SHISA6: variants seen among roughly 807,000 people sequenced by gnomAD.
SHISA6 encodes protein shisa-6.
Under a neutral mutation model 47.9 loss-of-function variants are expected in SHISA6, and 22 were observed. The observed-to-expected ratio is 0.46, with a 90% CI of 0.33 to 0.66. The LOEUF (loss-of-function observed/expected upper bound fraction) is 0.66. Ranked by LOEUF, SHISA6 falls within the 30% of genes least tolerant of loss-of-function variation. SHISA6 has a pLI of 0.02. For synonymous variants in SHISA6, 388 were observed against 337.8 expected, an observed-to-expected ratio of 1.15 and a Z score of -1.63; for missense variants, 680 against 764.6, an observed-to-expected ratio of 0.89 and a Z score of 1.30.
intron 3 of SHISA6, among the ~76,000 whole-genome samples, chr17:11,388,632 G>A (rs1913269486): frequency 6.6e-6 from 1 of 151,286 alleles, no homozygotes; most frequent in South Asian, 2.1e-4. Flanking sequence ...TTACCCTTAG[G>A]AAAATCTGCG....
chr17:11,547,462 C>A (rs2071892896), intron 3 of SHISA6, among the ~76,000 whole-genome samples: 1 of 152,150 alleles, frequency 6.6e-6, no homozygotes, highest in South Asian at 2.1e-4. Context: ...TACTAAATAA[C>A]TCTTGGGTCA....
chr17:11,515,099 G>A (rs2071571768), intron 3 of SHISA6, among the ~76,000 whole-genome samples: 1 of 152,028 alleles, frequency 6.6e-6, no homozygotes, highest in South Asian at 2.1e-4. Flanking sequence ...TCTTCAGGAG[G>A]ACCCAGGATT....
At chr17:11,323,751 C>G (rs756627954) in intron 2 of SHISA6, among the ~76,000 whole-genome samples, 57 of 151,866 alleles carry the variant, frequency 3.8e-4, no homozygotes, top group Non-Finnish European at 1.5e-4. Context: ...CTTTGCTCTC[C>G]CAGTCCAGGT....
chr17:11,350,059 CT>C (rs896268864), intron 2 of SHISA6, among the ~76,000 whole-genome samples: 29 of 150,338 alleles, frequency 1.9e-4, no homozygotes, highest in African/African-American at 4.1e-4. Context: ...TTCTCCCCAC[CT>C]TTTTTTTTGT....
intron 3 of SHISA6, among the ~76,000 whole-genome samples, chr17:11,397,717 C>A (rs575854731): frequency 6.6e-6 from 1 of 150,772 alleles, no homozygotes; most frequent in Non-Finnish European, 1.5e-5. Flanking sequence ...AAATTCTTCT[C>A]ATCTTATAAG....
At chr17:11,335,714 A>G (rs191854453) in intron 2 of SHISA6, among the ~76,000 whole-genome samples, 1 of 152,292 alleles carries the variant, frequency 6.6e-6, no homozygotes, top group Non-Finnish European at 1.5e-5. Context: ...GTTCCAGCGA[A>G]CATGGAGGAA....
chr17:11,494,255 T>C (rs2071390276), intron 3 of SHISA6, among the ~76,000 whole-genome samples: 1 of 152,106 alleles, frequency 6.6e-6, no homozygotes, highest in Non-Finnish European at 1.5e-5. Context: ...TTCATTAGCA[T>C]CCCCTGCCTT....
At chr17:11,539,781 C>T (rs1034385581) in intron 3 of SHISA6, among the ~76,000 whole-genome samples, 10 of 152,264 alleles carry the variant, frequency 6.6e-5, no homozygotes, top group African/African-American at 1.9e-4. Context: ...GAGTCCTGAG[C>T]GCTAATTGTT....
intron 3 of SHISA6, among the ~76,000 whole-genome samples, chr17:11,472,880 G>T (rs1045391302): frequency 2.6e-5 from 4 of 152,120 alleles, no homozygotes; most frequent in African/African-American, 9.7e-5. Context: ...CATTATCATT[G>T]TCTTGATTTG....
chr17:11,543,235 G>T (rs190279663), intron 3 of SHISA6, among the ~76,000 whole-genome samples: 21 of 152,188 alleles, frequency 1.4e-4, no homozygotes, highest in Non-Finnish European at 2.2e-4. Context: ...ATACTGCATT[G>T]TTGAGTGTAA....
chr17:11,308,107 A>C (rs1239399261), intron 2 of SHISA6, among the ~76,000 whole-genome samples: 1 of 152,126 alleles, frequency 6.6e-6, no homozygotes, highest in Non-Finnish European at 1.5e-5. Context: ...TCTATCATGG[A>C]AGGGCAGGGT....
chr17:11,413,800 G>A (rs905220246), intron 3 of SHISA6, among the ~76,000 whole-genome samples: 3 of 152,102 alleles, frequency 2.0e-5, no homozygotes, highest in Non-Finnish European at 4.4e-5. Flanking sequence ...GCCTCCTTCT[G>A]TTGGCCAAAG....
chr17:11,320,460 C>T (rs933792752), intron 2 of SHISA6, among the ~76,000 whole-genome samples: 2 of 151,992 alleles, frequency 1.3e-5, no homozygotes, highest in Non-Finnish European at 2.9e-5. Flanking sequence ...GAGTTCAAGA[C>T]CAGCCTGGCT....
intron 3 of SHISA6, among the ~76,000 whole-genome samples, chr17:11,494,130 C>CA (rs1567620727): frequency 6.6e-6 from 1 of 152,122 alleles, no homozygotes; most frequent in Non-Finnish European, 1.5e-5. Context: ...TCCATATGCT[C>CA]AGCAGGACTC....
chr17:11,550,011 T>C (rs917148816), intron 3 of SHISA6, among the ~76,000 whole-genome samples: 2 of 152,122 alleles, frequency 1.3e-5, no homozygotes, highest in African/African-American at 4.8e-5. Flanking sequence ...TGTGAGAAAT[T>C]GTGGCCTACT....
chr17:11,328,900 C>CG lies in SHISA6; in HGVS notation c.800-50513dup, dbSNP rs1335399249. Among the ~76,000 whole-genome samples the CG allele has an allele frequency of 2.0e-5, 3 of 152,050 alleles. No homozygotes were observed. In the East Asian group the frequency reaches 5.8e-4, roughly 29 times the overall value. On this transcript the variant is annotated intron_variant, in intron 2 of 5. Coordinates refer to ENST00000441885, the MANE Select transcript of SHISA6 (RefSeq NM_207386.4). ...ATGAAGGGAGGGAGTGTGCTGTGGG[C>CG]GCATCTGCTGTGAGGCAGAGGGTGC...
chr17:11,351,835 C>G (rs1243061897), intron 2 of SHISA6, among the ~76,000 whole-genome samples: 2 of 152,150 alleles, frequency 1.3e-5, no homozygotes, highest in African/African-American at 4.8e-5. Context: ...GGTTACAGAA[C>G]AAAGCCATAC....
chr17:11,275,298 G>A (rs1908848788), intron 2 of SHISA6, among the ~76,000 whole-genome samples: 1 of 152,036 alleles, frequency 6.6e-6, no homozygotes, highest in Non-Finnish European at 1.5e-5. Flanking sequence ...CCCTCCAAAG[G>A]GGCTTGGAGA....
At chr17:11,330,472 T>A (rs1296582112) in intron 2 of SHISA6, among the ~76,000 whole-genome samples, 1 of 133,366 alleles carries the variant, frequency 7.5e-6, no homozygotes, top group Non-Finnish European at 1.6e-5. Flanking sequence ...TTTCTAAAAT[T>A]CTGAGAGTAA....
Sources: allele counts gnomAD v4.1 joint callset (sites outside exome capture counted in the v4.1 genomes callset), GRCh38; gene constraint gnomAD v4.1.1; transcripts MANE v1.5; gene names NCBI Gene and HGNC (gene_info 2026-07-23, HGNC 2026-07-21).